GRIN2B: variants seen among roughly 807,000 people sequenced by gnomAD.
The protein encoded by GRIN2B is glutamate ionotropic receptor NMDA type subunit 2B.
In GRIN2B, 5 loss-of-function variants were observed where a neutral mutation model predicts 114.5. The observed-to-expected ratio is 0.04, with a 90% CI of 0.02 to 0.09. The LOEUF is 0.09. Ranked by LOEUF, GRIN2B falls within the 10% of genes least tolerant of loss-of-function variation. The probability of loss-of-function intolerance (pLI) is 1.00; values close to 1 mark genes in which losing one functional copy is unlikely to be tolerated. For missense variants in GRIN2B, 1,108 were observed against 1,943.5 expected (o/e 0.57, Z 8.08); for synonymous variants, 787 against 745.1 (o/e 1.06, Z -0.92).
At chr12:13,916,717 A>G (rs1866731370) in intron 2 of GRIN2B, among the ~76,000 whole-genome samples, 1 of 59,216 alleles carries the variant, frequency 1.7e-5, no homozygotes. Flanking sequence ...ACATATACAC[A>G]CACACACACA....
At chr12:13,814,562 A>ATTACAGAT (rs988993899) in intron 3 of GRIN2B, among the ~76,000 whole-genome samples, 2 of 152,198 alleles carry the variant, frequency 1.3e-5, no homozygotes, top group African/African-American at 4.8e-5. Context: ...TTTCTCCACC[A>ATTACAGAT]TTACAGATTT....
At chr12:13,974,924 CAGG>C (rs1234520556) in intron 2 of GRIN2B, among the ~76,000 whole-genome samples, 5 of 151,512 alleles carry the variant, frequency 3.3e-5, no homozygotes, top group Non-Finnish European at 7.4e-5. Context: ...AACTAAAAAG[CAGG>C]AGGACATAAG....
chr12:13,701,479 C>A (rs948774187), intron 4 of GRIN2B, among the ~76,000 whole-genome samples: 4 of 143,108 alleles, frequency 2.8e-5, no homozygotes, highest in Non-Finnish European at 6.0e-5. Context: ...TACCAAGCAA[C>A]TATTATGTGT....
intron 3 of GRIN2B, among the ~76,000 whole-genome samples, chr12:13,825,201 T>C (rs1426450197): frequency 6.6e-6 from 1 of 151,952 alleles, no homozygotes; most frequent in Non-Finnish European, 1.5e-5. Flanking sequence ...CTTAGAAGTT[T>C]AATGTTTAAT....
intron 2 of GRIN2B, among the ~76,000 whole-genome samples, chr12:13,905,160 A>G (rs1302348891): frequency 6.6e-6 from 1 of 152,186 alleles, no homozygotes; most frequent in Non-Finnish European, 1.5e-5. Context: ...AAAATTCTAC[A>G]GCATTATTTC....
chr12:13,910,917 C>T (rs781677875), intron 2 of GRIN2B, among the ~76,000 whole-genome samples: 15 of 151,570 alleles, frequency 9.9e-5, no homozygotes, highest in Non-Finnish European at 2.1e-4. Flanking sequence ...TCCATACCCC[C>T]GCTTTCACAC....
intron 3 of GRIN2B, among the ~76,000 whole-genome samples, chr12:13,771,064 T>C (rs536888442): frequency 1.3e-5 from 2 of 152,166 alleles, no homozygotes; most frequent in Non-Finnish European, 2.9e-5. Context: ...TTCCCATATG[T>C]CATAGGAGGG....
In GRIN2B at chr12:13,555,900, CTCT is replaced by C. The variant is rs1565448492; in HGVS notation, c.*6880_*6882del. The C allele has an allele frequency of 6.6e-6, 1 of 152,186 alleles. No individual in the cohort carries two copies. The highest frequency in any genetic ancestry group is 2.4e-5 in the African/African-American group (1 of 41,432). The allele number at this position is 152,186 out of a possible 1,614,324, so 9.4% of individuals were successfully genotyped here. On this transcript the variant is annotated 3_prime_UTR_variant, in exon 14 of 14. Transcript: ENST00000609686. ...GCTCTTCACGTAGGTTTAAGACTTG[CTCT>C]TCTTGGGGATGCAATGAATGACAAG...
At chr12:13,692,042 A>G (rs1341940401) in intron 4 of GRIN2B, among the ~76,000 whole-genome samples, 1 of 152,244 alleles carries the variant, frequency 6.6e-6, no homozygotes, top group Non-Finnish European at 1.5e-5. Flanking sequence ...TCAGGATGAC[A>G]TGAATGAGGC....
At position 13,615,760 on chromosome 12, in the gene GRIN2B, C is replaced by T. The variant is rs1198554306; in HGVS notation, c.1329-96G>A. 6 of 993,310 alleles carry T rather than the reference C, an allele frequency of 6.0e-6. No individual in the cohort carries two copies. The highest frequency in any genetic ancestry group is 8.1e-6 in the Non-Finnish European group (5 of 618,022). The allele number at this position is 993,310 out of a possible 1,614,324, so 61.5% of individuals were successfully genotyped here. On this transcript the variant is annotated intron_variant, in intron 6 of 13. Transcript: ENST00000609686. This position sits in a 1 kb window ranked among gnomAD's most constrained non-coding sequence, Gnocchi z 5.8. ...TTTGCCATTAAAAAACCTCCAATCCCAAAGCAGGCCCCCTTCACAGCTCAG... is the reference window on the plus strand; with the variant it reads ...TTTGCCATTAAAAAACCTCCAATCCTAAAGCAGGCCCCCTTCACAGCTCAG...
chr12:13,871,139 A>C (rs999254254), intron 2 of GRIN2B, among the ~76,000 whole-genome samples: 1 of 152,164 alleles, frequency 6.6e-6, no homozygotes, highest in African/African-American at 2.4e-5. Flanking sequence ...CTTATTAACT[A>C]AGACATAAAA....
chr12:13,793,798 G>A (rs1379040891), intron 3 of GRIN2B, among the ~76,000 whole-genome samples: 1 of 152,132 alleles, frequency 6.6e-6, no homozygotes, highest in Non-Finnish European at 1.5e-5. Context: ...TAGCCTCTGA[G>A]CACAATCAGT....
chr12:13,891,308 C>T (rs1866258727), intron 2 of GRIN2B, among the ~76,000 whole-genome samples: 1 of 152,152 alleles, frequency 6.6e-6, no homozygotes, highest in African/African-American at 2.4e-5. Context: ...ATCTTCCTTG[C>T]ATCCCCCTGC....
chr12:13,711,820 C>T lies in GRIN2B; in HGVS notation c.1011-35961G>A, dbSNP rs1205905228. On this transcript the variant is annotated intron_variant, in intron 4 of 13. Transcript: ENST00000609686. ...TCAACCATTGTGGAAGTCAGTGTGG[C>T]GATTCCTCAGGGATCTAGAACTAGA... Among the ~76,000 whole-genome samples the T allele has an allele frequency of 5.3e-5, 8 of 152,044 alleles. No individual in the cohort carries two copies. In the South Asian group the frequency reaches 8.3e-4, roughly 16 times the overall value.
intron 4 of GRIN2B, among the ~76,000 whole-genome samples, chr12:13,718,265 C>T (rs1261092070): frequency 6.6e-6 from 1 of 152,044 alleles, no homozygotes; most frequent in Non-Finnish European, 1.5e-5. Flanking sequence ...GCCTGCATGC[C>T]ACATACATGC....
chr12:13,597,378 AC>A (rs1423979195), intron 10 of GRIN2B, among the ~76,000 whole-genome samples: 1 of 152,188 alleles, frequency 6.6e-6, no homozygotes, highest in Non-Finnish European at 1.5e-5. Flanking sequence ...GAAAGGAAAA[AC>A]CCCATCTCCC....
At position 13,552,677 on chromosome 12, in the gene GRIN2B, T is replaced by C. The variant is rs529105960; in HGVS notation, c.*10106A>G. On this transcript the variant is annotated 3_prime_UTR_variant, in exon 14 of 14. Transcript: ENST00000609686. ...TCATCAGCTAAAAAAAAAAGTCTCATAGTATAATGAAATGGGTTTTGCTCT... is the reference window on the plus strand; with the variant it reads ...TCATCAGCTAAAAAAAAAAGTCTCACAGTATAATGAAATGGGTTTTGCTCT... 8 of 152,144 alleles carry C rather than the reference T, an allele frequency of 5.3e-5. No individual in the cohort carries two copies. In the East Asian group the frequency reaches 1.5e-3, roughly 29 times the overall value. 9.4% of individuals were successfully genotyped at this position (152,144 alleles called of 1,614,324 possible).
rs1865827699 is a variant in GRIN2B at position 13,866,268 on chromosome 12, T to A, written c.-18-42A>T. ...AGAGCATGTTAAAATAGGATCTACA[T>A]CACGTAACCTGTCTTAGAAGAGGCT... On this transcript the variant is annotated intron_variant, in intron 2 of 13. Coordinates refer to ENST00000609686, the MANE Select transcript of GRIN2B (RefSeq NM_000834.5). 17 of 1,547,726 alleles carry A rather than the reference T, an allele frequency of 1.1e-5. No individual in the cohort carries two copies. The South Asian group carries it at 1.8e-4, about 16-fold the overall frequency.
At chr12:13,651,935 A>T (rs1445518140) in intron 5 of GRIN2B, among the ~76,000 whole-genome samples, 1 of 152,124 alleles carries the variant, frequency 6.6e-6, no homozygotes, top group African/African-American at 2.4e-5. Flanking sequence ...AAATGAGAAC[A>T]GGATTTGATC....
Sources: allele counts gnomAD v4.1 joint callset (sites outside exome capture counted in the v4.1 genomes callset), GRCh38; gene constraint gnomAD v4.1.1; non-coding constraint Gnocchi (gnomAD v3.1); transcripts MANE v1.5; gene names NCBI Gene and HGNC (gene_info 2026-07-23, HGNC 2026-07-21).